PCDHGA7: variants seen among roughly 807,000 people sequenced by gnomAD.
PCDHGA7 encodes protocadherin gamma-A7.
PCDHGA7 carries 44 observed loss-of-function variants against 58.3 expected under a neutral mutation model. The observed-to-expected ratio is 0.75, with a 90% CI of 0.59 to 0.97. The LOEUF (loss-of-function observed/expected upper bound fraction) is 0.97. Among genes scored for constraint, PCDHGA7 ranks in the 50% least tolerant of loss-of-function variants. PCDHGA7 has a pLI of 0.00. For synonymous variants in PCDHGA7, 516 were observed against 504.2 expected, an observed-to-expected ratio of 1.02 and a Z score of -0.31; for missense variants, 1,266 against 1,188.7, an observed-to-expected ratio of 1.06 and a Z score of -0.96.
At chr5:141,475,988 A>C (rs1197163866) in intron 1 of PCDHGA7, 29 of 1,114,786 alleles carry the variant, frequency 2.6e-5, no homozygotes, top group Non-Finnish European at 3.2e-5. Context: ...GCCGGCGAGC[A>C]AATCAACGGC....
Position 141,489,680 on chromosome 5 carries a change from C to T in PCDHGA7, c.2425-5127C>T, listed in dbSNP as rs758765306. On this transcript the variant is annotated intron_variant, in intron 1 of 3. Coordinates refer to ENST00000518325, the MANE Select transcript of PCDHGA7 (RefSeq NM_018920.4). This position sits in a 1 kb window ranked among gnomAD's most constrained non-coding sequence, Gnocchi z 4.5. ...GAGATGCGCATCTCAGAATCAGCAG[C>T]ATCTGGGGCACGATTCCCACTGGAC... 2 of 1,614,070 alleles carry T rather than the reference C, an allele frequency of 1.2e-6. No individual in the cohort carries two copies. The highest frequency in any genetic ancestry group is 2.2e-5 in the East Asian group (1 of 44,886).
intron 1 of PCDHGA7, chr5:141,427,965 C>T: frequency 6.3e-7 from 1 of 1,590,342 alleles, no homozygotes; most frequent in Non-Finnish European, 8.6e-7. Flanking sequence ...GCCGCGGGTG[C>T]TGTACCCCGC....
In PCDHGA7 at chr5:141,486,702, T is replaced by C; in HGVS notation, c.2425-8105T>C. On this transcript the variant is annotated intron_variant, in intron 1 of 3. Coordinates refer to ENST00000518325, the MANE Select transcript of PCDHGA7 (RefSeq NM_018920.4). The surrounding 1 kb of genome is among the most constrained non-coding windows in gnomAD (Gnocchi z 5.0). ...GTATCAGCTTCCTCTTTCATCTCTC[T>C]GAACCCCCAGACAGGAGCTGTTCAT... is the stretch of plus-strand genomic sequence containing the variant. 3 of 1,614,218 alleles carry C rather than the reference T, an allele frequency of 1.9e-6. No homozygotes were observed. Among genetic ancestry groups the C allele is most frequent in the Non-Finnish European group, 2.5e-6 (3 of 1,180,040 alleles).
Position 141,491,648 on chromosome 5 carries a change from T to A in PCDHGA7, c.2425-3159T>A. 6.2e-7 allele frequency: 1 copy of A among 1,613,834 alleles called. No individual in the cohort carries two copies. Among genetic ancestry groups the A allele is most frequent in the Non-Finnish European group, 8.5e-7 (1 of 1,180,002 alleles). ...GTTCAGCAGCCCACAGCTCTGGCGC[T>A]GGAGCCTGACGCCATCCGGTCCCGC... On this transcript the variant is annotated intron_variant, in intron 1 of 3. Transcript: ENST00000518325. This position sits in a 1 kb window ranked among gnomAD's most constrained non-coding sequence, Gnocchi z 6.9.
rs1195194477 is a variant in PCDHGA7, at chr5:141,432,620, C to G, written c.2424+47297C>G. On this transcript the variant is annotated intron_variant, in intron 1 of 3. Transcript: ENST00000518325. The surrounding 1 kb of genome is among the most constrained non-coding windows in gnomAD (Gnocchi z 6.0). ...CGAGCCGGGACTCTTCTCGGTGGGTCTGCACACGGGCGAGGTGCGCACGGC... is the reference window on the plus strand; with the variant it reads ...CGAGCCGGGACTCTTCTCGGTGGGTGTGCACACGGGCGAGGTGCGCACGGC... 6 of 1,613,190 alleles carry G rather than the reference C, an allele frequency of 3.7e-6. No individual in the cohort carries two copies. Among genetic ancestry groups the G allele is most frequent in the Admixed American group, 1.7e-5 (1 of 59,978 alleles).
chr5:141,387,209 T>A lies in PCDHGA7; in HGVS notation c.2424+1886T>A, dbSNP rs911946032. Among the ~76,000 whole-genome samples, 3 of 152,170 alleles carry A rather than the reference T, an allele frequency of 2.0e-5. No individual in the cohort carries two copies. In the South Asian group the frequency reaches 6.2e-4, roughly 31 times the overall value. On this transcript the variant is annotated intron_variant, in intron 1 of 3. Coordinates refer to ENST00000518325, the MANE Select transcript of PCDHGA7 (RefSeq NM_018920.4). ...GGCAATTTTGGTATTACTGATACTC[T>A]CCGGAAAAAGTTGAAATAAATCAAC...
intron 1 of PCDHGA7, among the ~76,000 whole-genome samples, chr5:141,437,491 T>C (rs1428543921): frequency 6.6e-6 from 1 of 152,184 alleles, no homozygotes; most frequent in Non-Finnish European, 1.5e-5. Flanking sequence ...ATCTCGTAGA[T>C]CACTTTTCAA....
At chr5:141,458,694 C>G (rs905547768) in intron 1 of PCDHGA7, among the ~76,000 whole-genome samples, 1 of 152,136 alleles carries the variant, frequency 6.6e-6, no homozygotes, top group East Asian at 1.9e-4. Context: ...CTCAGCCTCC[C>G]GAGTAGCTGG....
chr5:141,423,816 T>C lies in PCDHGA7; in HGVS notation c.2424+38493T>C, dbSNP rs1205974775. ...TTAGAGCAATACATGTGAGTTTTACTTTGCCTTTCATGAGATTACGATAAT... is the reference window on the plus strand; with the variant it reads ...TTAGAGCAATACATGTGAGTTTTACCTTGCCTTTCATGAGATTACGATAAT... On this transcript the variant is annotated intron_variant, in intron 1 of 3. Transcript: ENST00000518325. 3 of 1,273,904 alleles carry C rather than the reference T, an allele frequency of 2.4e-6. No individual in the cohort carries two copies. The African/African-American group carries it at 4.7e-5, about 20-fold the overall frequency. 78.9% of individuals were successfully genotyped at this position (1,273,904 alleles called of 1,614,324 possible).
intron 1 of PCDHGA7, among the ~76,000 whole-genome samples, chr5:141,448,669 G>T: frequency 6.6e-6 from 1 of 152,136 alleles, no homozygotes; most frequent in East Asian, 1.9e-4. Flanking sequence ...GGCCGGGCGC[G>T]GTGGCTCACG....
chr5:141,432,096 A>G lies in PCDHGA7; in HGVS notation c.2424+46773A>G, dbSNP rs763154183. On this transcript the variant is annotated intron_variant, in intron 1 of 3. Transcript: ENST00000518325. This position sits in a 1 kb window ranked among gnomAD's most constrained non-coding sequence, Gnocchi z 6.0. Reference sequence around the variant, plus strand: ...ATCTCGCTGAACGTGGCAGACACCAACGACAACCCGCCGGTCTTCCCTCAG... The same window carrying G: ...ATCTCGCTGAACGTGGCAGACACCAGCGACAACCCGCCGGTCTTCCCTCAG... The G allele has an allele frequency of 1.9e-6, 3 of 1,613,944 alleles. No homozygotes were observed. Among genetic ancestry groups the G allele is most frequent in the East Asian group, 2.2e-5 (1 of 44,870 alleles).
intron 2 of PCDHGA7, among the ~76,000 whole-genome samples, chr5:141,499,885 G>A (rs945162089): frequency 2.6e-5 from 4 of 151,850 alleles, no homozygotes; most frequent in Non-Finnish European, 4.4e-5. Flanking sequence ...ACAGGGTTTC[G>A]CCATGTTGGC....
At position 141,421,815 on chromosome 5, in the gene PCDHGA7, A is replaced by C. The variant is rs746563152; in HGVS notation, c.2424+36492A>C. ...ATGGGGCCAAGAATCCAGAGCTAGTACTGGAGGGAAGCCTGGACCGAGAGA... is the reference window on the plus strand; with the variant it reads ...ATGGGGCCAAGAATCCAGAGCTAGTCCTGGAGGGAAGCCTGGACCGAGAGA... On this transcript the variant is annotated intron_variant, in intron 1 of 3. Coordinates refer to ENST00000518325, the MANE Select transcript of PCDHGA7 (RefSeq NM_018920.4). 4 of 1,613,764 alleles carry C rather than the reference A, an allele frequency of 2.5e-6. No individual in the cohort carries two copies. The South Asian group carries it at 3.3e-5, about 13-fold the overall frequency.
intron 1 of PCDHGA7, among the ~76,000 whole-genome samples, chr5:141,456,006 T>C (rs909931677): frequency 6.6e-6 from 1 of 151,852 alleles, no homozygotes; most frequent in Non-Finnish European, 1.5e-5. Flanking sequence ...CATGCCATTC[T>C]CCTGCCTCAG....
At chr5:141,422,002 G>A (rs754599902) in intron 1 of PCDHGA7, 41 of 1,609,306 alleles carry the variant, frequency 2.5e-5, no homozygotes, top group Non-Finnish European at 3.1e-5. Flanking sequence ...CATCAGCTCC[G>A]GAACTCGGGT....
At chr5:141,473,102 C>T (rs1465515592) in intron 1 of PCDHGA7, among the ~76,000 whole-genome samples, 1 of 152,054 alleles carries the variant, frequency 6.6e-6, no homozygotes, top group Non-Finnish European at 1.5e-5. Flanking sequence ...AGTTGTATTA[C>T]CACACTTTAC....
chr5:141,391,206 C>G (rs1004320707), intron 1 of PCDHGA7: 14 of 152,076 alleles, frequency 9.2e-5, no homozygotes, highest in African/African-American at 3.4e-4. Flanking sequence ...TACAAAATAC[C>G]AAGGAACATT....
Position 141,432,480 on chromosome 5 carries a change from G to T in PCDHGA7, c.2424+47157G>T, listed in dbSNP as rs775075732. On this transcript the variant is annotated intron_variant, in intron 1 of 3. Transcript: ENST00000518325. This position sits in a 1 kb window ranked among gnomAD's most constrained non-coding sequence, Gnocchi z 6.0. ...GCCCTCCCCACGGACGGTTCCACTG[G>T]CGTGGAGCTGGCTCCCCGCTCCGCA... The T allele has an allele frequency of 1.9e-6, 3 of 1,614,180 alleles. No individual in the cohort carries two copies. The highest frequency in any genetic ancestry group is 2.2e-5 in the South Asian group (2 of 91,078).
chr5:141,479,057 T>A (rs2099487107), intron 1 of PCDHGA7, among the ~76,000 whole-genome samples: 1 of 152,234 alleles, frequency 6.6e-6, no homozygotes, highest in East Asian at 1.9e-4. Context: ...TCTCAGATAA[T>A]TTTTTATGAA....
Sources: gnomAD v4.1 joint callset for allele counts (sites outside exome capture counted in the v4.1 genomes callset) on GRCh38, gnomAD v4.1.1 for gene constraint, Gnocchi (gnomAD v3.1) non-coding constraint, MANE v1.5 for transcripts, NCBI Gene and HGNC (gene_info 2026-07-23, HGNC 2026-07-21) for gene names.